SEC14L1: variants seen among roughly 807,000 people sequenced by gnomAD.
The protein encoded by SEC14L1 is SEC14-like protein 1.
In SEC14L1, 48 loss-of-function variants were observed where a neutral mutation model predicts 85.3. The observed-to-expected ratio is 0.56, with a 90% confidence interval of 0.45 to 0.72. The LOEUF (loss-of-function observed/expected upper bound fraction) is 0.72. SEC14L1 is among the 30% of genes least tolerant of loss of function. SEC14L1 has a pLI of 0.00. For synonymous variants in SEC14L1, 391 were observed against 355.5 expected (o/e 1.10, Z -1.12); for missense variants, 682 against 921.4 (o/e 0.74, Z 3.36).
At chr17:77,207,107 G>A (rs1976500105) in intron 13 of SEC14L1, among the ~76,000 whole-genome samples, 1 of 152,200 alleles carries the variant, frequency 6.6e-6, no homozygotes, top group South Asian at 2.1e-4. Flanking sequence ...AAATACGATT[G>A]CAGCTTGCTT....
At chr17:77,145,609 A>G (rs930748614) in intron 3 of SEC14L1, among the ~76,000 whole-genome samples, 5 of 152,194 alleles carry the variant, frequency 3.3e-5, no homozygotes, top group Non-Finnish European at 7.3e-5. Context: ...TTTGCATGTT[A>G]TCTGTGCTGT....
chr17:77,156,175 C>A lies in SEC14L1; in HGVS notation c.63+12516C>A, dbSNP rs181138198. On this transcript the variant is annotated intron_variant, in intron 3 of 16. Coordinates refer to ENST00000436233, the MANE Select transcript of SEC14L1 (RefSeq NM_001143998.2). Reference sequence around the variant, plus strand: ...GAGGTTCCTCTCTGTGCACTGGCAGCCGCTGTAGGGTCCTGACACTCCACT... The same window carrying A: ...GAGGTTCCTCTCTGTGCACTGGCAGACGCTGTAGGGTCCTGACACTCCACT... Among the ~76,000 whole-genome samples the A allele has an allele frequency of 5.5e-4, 83 of 152,262 alleles. No individual in the cohort carries two copies. The East Asian group carries it at 0.016, about 29-fold the overall frequency.
intron 3 of SEC14L1, among the ~76,000 whole-genome samples, chr17:77,168,413 T>C (rs563328471): frequency 6.6e-6 from 1 of 152,298 alleles, no homozygotes; most frequent in Admixed American, 6.5e-5. Flanking sequence ...GTGAGAGCTG[T>C]TTCTATAAGT....
At chr17:77,113,441 G>C (rs1469792302) in intron 3 of SEC14L1, among the ~76,000 whole-genome samples, 1 of 151,996 alleles carries the variant, frequency 6.6e-6, no homozygotes, top group African/African-American at 2.4e-5. Flanking sequence ...GCATCAGCAG[G>C]CTTGATAAAG....
intron 13 of SEC14L1, 29 bp from the exon 14 acceptor site, chr17:77,209,313 A>G: frequency 1.2e-6 from 2 of 1,612,584 alleles, no homozygotes; most frequent in Non-Finnish European, 1.7e-6. Flanking sequence ...GTGTTTGCAC[A>G]GGTTTCACTG....
chr17:77,183,876 T>C (rs1006456978), intron 3 of SEC14L1, among the ~76,000 whole-genome samples: 1 of 152,132 alleles, frequency 6.6e-6, no homozygotes, highest in African/African-American at 2.4e-5. Flanking sequence ...GTGTAGACTG[T>C]TCCATAATTT....
chr17:77,180,873 A>G (rs764436757), intron 3 of SEC14L1, among the ~76,000 whole-genome samples: 13 of 152,198 alleles, frequency 8.5e-5, no homozygotes, highest in African/African-American at 2.9e-4. Flanking sequence ...CACAAATAGC[A>G]TGCAATTTGA....
chr17:77,135,411 A>G (rs375163315), intron 3 of SEC14L1, among the ~76,000 whole-genome samples: 5 of 152,190 alleles, frequency 3.3e-5, no homozygotes, highest in African/African-American at 1.2e-4. Flanking sequence ...GCTCCATAGC[A>G]CTGTCCCTAT....
At chr17:77,204,522 C>CAT (rs1555628453) in intron 10 of SEC14L1, among the ~76,000 whole-genome samples, 956 of 84,756 alleles carry the variant, frequency 0.011, 21 homozygotes, top group Middle Eastern at 0.04. Context: ...GCCCAGCCAG[C>CAT]TTTTTTTTTT....
chr17:77,107,412 G>A lies in SEC14L1; in HGVS notation c.-136+14065G>A, dbSNP rs150152864. Among the ~76,000 whole-genome samples the A allele has an allele frequency of 4.6e-4, 70 of 152,230 alleles. No individual in the cohort carries two copies. The East Asian group carries it at 0.011, about 24-fold the overall frequency. ...GGAACGAAAAGAAAGAGTCTCCTTC[G>A]TGTAGTTTCAAACTAATGAAAAATG... On this transcript the variant is annotated intron_variant, in intron 3 of 19. Coordinates refer to the SEC14L1 transcript ENST00000392476.
rs1483365492 is a variant in SEC14L1, at chr17:77,215,316, A to G, written c.*1293A>G. ...ATTTGAGAATCTGTCCAGAAGTTGC[A>G]TAGGGGATGGCCTCCACGATAAGGA... On this transcript the variant is annotated 3_prime_UTR_variant, in exon 17 of 17. Coordinates refer to ENST00000436233, the MANE Select transcript of SEC14L1 (RefSeq NM_001143998.2). 2 of 985,258 alleles carry G rather than the reference A, an allele frequency of 2.0e-6. No individual in the cohort carries two copies. The highest frequency in any genetic ancestry group is 6.1e-5 in the Admixed American group (1 of 16,262). The allele number at this position is 985,258 out of a possible 1,614,324, so 61.0% of individuals were successfully genotyped here.
upstream of SEC14L1, among the ~76,000 whole-genome samples, chr17:77,139,528 C>T (rs1468563327): frequency 4.2e-5 from 6 of 142,890 alleles, no homozygotes; most frequent in South Asian, 2.2e-4. Flanking sequence ...GACGGAGTCT[C>T]GCTCTGTCGA....
intron 3 of SEC14L1, among the ~76,000 whole-genome samples, chr17:77,165,502 C>T (rs1177138712): frequency 6.6e-6 from 1 of 152,110 alleles, no homozygotes; most frequent in Non-Finnish European, 1.5e-5. Context: ...GCATTTTTCT[C>T]AGTGAGTAGA....
intron 3 of SEC14L1, among the ~76,000 whole-genome samples, chr17:77,127,073 G>T (rs1972470890): frequency 6.6e-6 from 1 of 150,914 alleles, no homozygotes; most frequent in South Asian, 2.1e-4. Context: ...TTATATAGGG[G>T]TACACGTGCC....
chr17:77,108,504 A>C (rs954454692), intron 3 of SEC14L1, among the ~76,000 whole-genome samples: 4 of 152,082 alleles, frequency 2.6e-5, no homozygotes, highest in Non-Finnish European at 5.9e-5. Context: ...TTGGGAGCAG[A>C]GGCGGGCAGA....
chr17:77,139,147 G>A (rs1254486704), upstream of SEC14L1, among the ~76,000 whole-genome samples: 2 of 149,848 alleles, frequency 1.3e-5, no homozygotes, highest in South Asian at 2.1e-4. Context: ...TAGAAGTTCA[G>A]CAGGTCAGGT....
chr17:77,208,709 A>T (rs574540351), intron 13 of SEC14L1, among the ~76,000 whole-genome samples: 1 of 152,194 alleles, frequency 6.6e-6, no homozygotes, highest in Admixed American at 6.5e-5. Context: ...TGAAATGTTT[A>T]TTTTCTATGT....
In SEC14L1 at chr17:77,200,553, A is replaced by T. The variant is rs1187778224; in HGVS notation, c.889A>T (p.Ile297Phe). 6.2e-7 allele frequency: 1 copy of T among 1,614,038 alleles called. No individual in the cohort carries two copies. Among genetic ancestry groups the T allele is most frequent in the Admixed American group, 1.7e-5 (1 of 60,010 alleles). The change falls in exon 9 of 17, where the codon ATC becomes TTC. Residue 297 changes from isoleucine (I) to phenylalanine (F), a missense_variant. Physicochemically the swap from Ile to Phe is conservative, Grantham distance 21. Around this residue, in one of 3 missense-constraint regions of SEC14L1, gnomAD observed 420 missense variants for 619.5 expected, o/e 0.68. Coordinates refer to ENST00000436233, the MANE Select transcript of SEC14L1 (RefSeq NM_001143998.2). The stretch of plus-strand genomic sequence containing the variant: ...TTTTAATATTGACAAAGCCAGAGAG[A>T]TCATGTGTCAGTCTTTGACGTGGAG... The part of the protein sequence containing the change: ...RDFNIDKARE[I>F]MCQSLTWRKQ...
chr17:77,100,385 G>T (rs1971744184), intron 3 of SEC14L1, among the ~76,000 whole-genome samples: 1 of 122,110 alleles, frequency 8.2e-6, no homozygotes, highest in African/African-American at 2.7e-5. Flanking sequence ...TTCCTTGGCT[G>T]GCTTTTTCTT....
Sources: allele counts gnomAD v4.1 joint callset (sites outside exome capture counted in the v4.1 genomes callset), GRCh38; gene constraint gnomAD v4.1.1; regional missense constraint gnomAD v4.1.1; transcripts MANE v1.5; gene names NCBI Gene and HGNC (gene_info 2026-07-23, HGNC 2026-07-21).